Variants in ARFGAP2 observed in about 807,000 individuals in gnomAD.
ARFGAP2 encodes ADP-ribosylation factor GTPase-activating protein 2.
A neutral mutation model predicts 71.9 loss-of-function variants in ARFGAP2; 45 were observed. The observed-to-expected ratio is 0.63, with a 90% CI of 0.49 to 0.80. The LOEUF (loss-of-function observed/expected upper bound fraction) is 0.80, where lower values mean the gene tolerates loss of function less well. Among genes scored for constraint, ARFGAP2 ranks in the 30% least tolerant of loss-of-function variants. The pLI is 0.00. For missense variants in ARFGAP2, 633 were observed against 673.9 expected, an observed-to-expected ratio of 0.94 and a Z score of 0.67; for synonymous variants, 248 against 249.2, an observed-to-expected ratio of 1.00 and a Z score of 0.05.
intron 3 of ARFGAP2, chr11:47,175,626 C>T (rs1023719327): frequency 1.1e-4 from 67 of 631,642 alleles, no homozygotes; most frequent in Middle Eastern, 6.1e-4. Flanking sequence ...AGGCTCCCAA[C>T]TCCTGTGGCT....
chr11:47,176,539 C>T lies in ARFGAP2; in HGVS notation c.168G>A (p.Leu56=). 1 of 1,613,780 alleles carries T rather than the reference C, an allele frequency of 6.2e-7. No individual in the cohort carries two copies. The highest frequency in any genetic ancestry group is 1.3e-5 in the African/African-American group (1 of 75,046). ...ACCTGATGAAGCTCAGATGGACGCC[C>T]AGGGAGCGGTGCACCCCGGAACAGT... is the stretch of plus-strand genomic sequence containing the variant. ...CIDCSGVHRS[L]GVHLSFIRST... is the part of the protein sequence containing the mutation. Residue 56 remains leucine (L), a synonymous_variant, in exon 2 of 16, where the codon CTG becomes CTA. Coordinates refer to ENST00000524782, the MANE Select transcript of ARFGAP2 (RefSeq NM_032389.6).
intron 7 of ARFGAP2, 133 bp from the exon 8 acceptor site, chr11:47,172,466 C>T (rs1337874039): frequency 7.9e-6 from 9 of 1,146,146 alleles, no homozygotes; most frequent in Non-Finnish European, 5.2e-6. Context: ...GCTGCCACCA[C>T]CAGCTCCAAC....
chr11:47,173,927 G>C (rs1952693798), intron 5 of ARFGAP2, 87 bp from the exon 6 acceptor site: 1 of 1,541,942 alleles, frequency 6.5e-7, no homozygotes, highest in Non-Finnish European at 8.7e-7. Context: ...TTGTGGACAA[G>C]AAATCATACT....
intron 5 of ARFGAP2, 96 bp downstream of exon 5, chr11:47,174,919 G>T: frequency 1.5e-6 from 2 of 1,341,114 alleles, no homozygotes; most frequent in Non-Finnish European, 2.1e-6. Context: ...TCACATCAAA[G>T]CAAATGGAAT....
intron 6 of ARFGAP2, 120 bp downstream of exon 6, chr11:47,173,639 C>G: frequency 7.0e-7 from 1 of 1,427,922 alleles, no homozygotes; most frequent in Non-Finnish European, 9.4e-7. Context: ...AAATGAATCC[C>G]GGCCCACCCA....
In ARFGAP2 at chr11:47,172,291, G is replaced by A. The variant is rs2135431457; in HGVS notation, c.662C>T (p.Ala221Val). Residue 221 changes from alanine to valine, a missense_variant, in exon 8 of 16, where the codon GCT becomes GTT. By Grantham distance (64) the Ala-to-Val change is moderately conservative (BLOSUM62 0). Transcript: ENST00000524782. ...CCTCTCCCCACCTACCCCTTTCTTAGCTGCTGCTGGCTTCTTCTTGCCAAT... is the reference window on the plus strand; with the variant it reads ...CCTCTCCCCACCTACCCCTTTCTTAACTGCTGCTGGCTTCTTCTTGCCAAT... The part of the protein sequence containing the change: ...SIIGKKKPAA[A>V]KKGLGAKKGL... 2.5e-6 allele frequency: 4 copies of A among 1,614,142 alleles called. No individual in the cohort carries two copies. The highest frequency in any genetic ancestry group is 3.4e-6 in the Non-Finnish European group (4 of 1,180,018).
Position 47,175,275 on chromosome 11 carries a change from A to T in ARFGAP2, c.303T>A (p.Asp101Glu). Reference sequence around the variant, plus strand: ...CTCGGCTATTATATTTGGTGTTGGCATCATTGGCTGTGCATCCATGTTGGC... The same window carrying T: ...CTCGGCTATTATATTTGGTGTTGGCTTCATTGGCTGTGCATCCATGTTGGC... ...FFRQHGCTAN[D>E]ANTKYNSRAA... Residue 101 changes from aspartate to glutamate, a missense_variant, in exon 4 of 16, where the codon GAT (aspartate) becomes GAA (glutamate). Coordinates refer to ENST00000524782, the MANE Select transcript of ARFGAP2 (RefSeq NM_032389.6). The T allele has an allele frequency of 2.5e-6, 4 of 1,614,166 alleles. No individual in the cohort carries two copies. The highest frequency in any genetic ancestry group is 3.4e-6 in the Non-Finnish European group (4 of 1,180,026).
chr11:47,168,851 G>C (rs1451009595), intron 10 of ARFGAP2, among the ~76,000 whole-genome samples: 1 of 151,940 alleles, frequency 6.6e-6, no homozygotes, highest in Non-Finnish European at 1.5e-5. Flanking sequence ...TTGTGCACCA[G>C]ATGCCAGTGG....
chr11:47,170,953 A>G (rs1158499354), intron 10 of ARFGAP2, among the ~76,000 whole-genome samples: 2 of 152,134 alleles, frequency 1.3e-5, no homozygotes, highest in Non-Finnish European at 2.9e-5. Context: ...CTCAAAAGAA[A>G]AAGAAAGAAA....
intron 10 of ARFGAP2, among the ~76,000 whole-genome samples, chr11:47,169,068 C>A (rs1330931441): frequency 2.0e-5 from 3 of 151,346 alleles, no homozygotes; most frequent in African/African-American, 7.3e-5. Flanking sequence ...AATTCCAGCA[C>A]TTTGGGAGGC....
chr11:47,167,163 A>T (rs1027687942), intron 12 of ARFGAP2, among the ~76,000 whole-genome samples: 2 of 152,246 alleles, frequency 1.3e-5, no homozygotes, highest in Non-Finnish European at 2.9e-5. Flanking sequence ...CAGCTTCGTC[A>T]GCATTCAGGA....
At chr11:47,173,403 C>G (rs1268563017) in intron 7 of ARFGAP2, 23 bp downstream of exon 7, 1 of 1,552,110 alleles carries the variant, frequency 6.4e-7, no homozygotes, top group East Asian at 2.4e-5. Flanking sequence ...AGACACCCCA[C>G]GCCTGCCCGC....
chr11:47,175,564 C>T, intron 3 of ARFGAP2: 1 of 634,744 alleles, frequency 1.6e-6, no homozygotes, highest in Non-Finnish European at 2.7e-6. Flanking sequence ...ATCCCATACC[C>T]AGCCTCCCCA....
At chr11:47,172,570 T>C (rs1259358538) in intron 7 of ARFGAP2, 1 of 1,119,836 alleles carries the variant, frequency 8.9e-7, no homozygotes, top group Non-Finnish European at 1.2e-6. Flanking sequence ...ACCAGAGACG[T>C]CCGAAGCACC....
At chr11:47,176,669 GCCC>G (rs1952843460) in intron 1 of ARFGAP2, 35 bp from the exon 2 acceptor site, 1 of 1,612,450 alleles carries the variant, frequency 6.2e-7, no homozygotes, top group East Asian at 2.2e-5. Flanking sequence ...ATCGTCAGGG[GCCC>G]CGAGTAAAGG....
rs1416916353 is a variant in ARFGAP2 at position 47,166,549 on chromosome 11, G to A, written c.1383C>T (p.Ser461=). 1.2e-6 allele frequency: 2 copies of A among 1,612,346 alleles called. No homozygotes were observed. The highest frequency in any genetic ancestry group is 1.3e-5 in the African/African-American group (1 of 74,944). ...CCATGTCCCCAAAGAGGTCTGAAGA[G>A]CTGATGGCACTGCTGCCTGAGAGCT... is the stretch of plus-strand genomic sequence containing the variant. The part of the protein sequence containing the change: ...LQQLSGSSAI[S]SSDLFGDMDG... The change falls in exon 14 of 16, where the codon AGC becomes AGT. Residue 461 remains serine, a synonymous_variant. Coordinates refer to ENST00000524782, the MANE Select transcript of ARFGAP2 (RefSeq NM_032389.6).
In ARFGAP2 at chr11:47,164,494, G is replaced by T; in HGVS notation, c.*988C>A. ...GGGCTGAGACTGCCGGTGCGGCAGG[G>T]GAAGATGGCACCAAGAATGACAGTG... is the stretch of plus-strand genomic sequence containing the variant. On this transcript the variant is annotated 3_prime_UTR_variant, in exon 16 of 16. Transcript: ENST00000524782. 2.9e-6 allele frequency: 1 copy of T among 343,114 alleles called. No individual in the cohort carries two copies. The highest frequency in any genetic ancestry group is 5.4e-6 in the Non-Finnish European group (1 of 186,814). 21.3% of individuals were successfully genotyped at this position (343,114 alleles called of 1,614,324 possible). A position where few individuals can be genotyped will look rare whatever the true frequency, so the allele number is the denominator to read the frequency against.
chr11:47,171,371 A>G, intron 10 of ARFGAP2, 55 bp downstream of exon 10: 1 of 1,605,722 alleles, frequency 6.2e-7, no homozygotes, highest in Non-Finnish European at 8.5e-7. Flanking sequence ...AAGGCCCCGC[A>G]ATGGTTCCCA....
chr11:47,173,319 G>A (rs1416737360), intron 7 of ARFGAP2, 107 bp downstream of exon 7: 1 of 1,274,642 alleles, frequency 7.8e-7, no homozygotes, highest in Admixed American at 2.0e-5. Flanking sequence ...TAGATGCTCA[G>A]TCTCCTGTGG....
Sources: gnomAD v4.1 joint callset for allele counts (sites outside exome capture counted in the v4.1 genomes callset) on GRCh38, gnomAD v4.1.1 for gene constraint, MANE v1.5 for transcripts, NCBI Gene and HGNC (gene_info 2026-07-23, HGNC 2026-07-21) for gene names.